GRM1: variants seen among roughly 807,000 people sequenced by gnomAD.
The protein encoded by GRM1 is metabotropic glutamate receptor 1.
Under a neutral mutation model 90.9 loss-of-function variants are expected in GRM1, and 33 were observed. The observed-to-expected ratio is 0.36, with a 90% confidence interval of 0.28 to 0.49. The LOEUF is 0.49. Ranked by LOEUF, GRM1 falls within the 20% of genes least tolerant of loss-of-function variation. The pLI is 0.99. For missense variants in GRM1, 1,190 were observed against 1,534.3 expected (o/e 0.78, Z 3.75); for synonymous variants, 700 against 613.2 (o/e 1.14, Z -2.09).
chr6:146,134,904 C>A (rs959750506), intron 1 of GRM1, among the ~76,000 whole-genome samples: 5 of 152,100 alleles, frequency 3.3e-5, no homozygotes, highest in African/African-American at 1.2e-4. Flanking sequence ...GGACTCCAGT[C>A]TGGATGACAG....
chr6:146,424,334 C>G (rs1411013076), intron 7 of GRM1, among the ~76,000 whole-genome samples: 1 of 152,154 alleles, frequency 6.6e-6, no homozygotes, highest in Non-Finnish European at 1.5e-5. Context: ...GGGACTTATG[C>G]CCAACCCCTT....
chr6:146,109,206 T>C (rs1018603031), intron 1 of GRM1, among the ~76,000 whole-genome samples: 16 of 152,174 alleles, frequency 1.1e-4, no homozygotes, highest in African/African-American at 3.6e-4. Context: ...GAGGTTTTTA[T>C]GGCAGCCCCC....
chr6:146,129,149 T>G (rs1776300238), intron 1 of GRM1, among the ~76,000 whole-genome samples: 1 of 152,208 alleles, frequency 6.6e-6, no homozygotes, highest in African/African-American at 2.4e-5. Flanking sequence ...TGGTTAAATA[T>G]TTGAACATTT....
At chr6:146,351,257 C>A (rs1785399575) in intron 3 of GRM1, among the ~76,000 whole-genome samples, 1 of 152,200 alleles carries the variant, frequency 6.6e-6, no homozygotes, top group South Asian at 2.1e-4. Context: ...CCTTCTAGTA[C>A]TTCAAACACA....
chr6:146,144,229 T>G (rs1777004295), intron 1 of GRM1, among the ~76,000 whole-genome samples: 1 of 152,176 alleles, frequency 6.6e-6, no homozygotes, highest in South Asian at 2.1e-4. Flanking sequence ...CACTTTGGTG[T>G]CTCTTCTTAG....
At chr6:146,103,046 T>C (rs1288039065) in intron 1 of GRM1, among the ~76,000 whole-genome samples, 1 of 152,210 alleles carries the variant, frequency 6.6e-6, no homozygotes, top group Non-Finnish European at 1.5e-5. Flanking sequence ...GTTTCTGTGA[T>C]GGTTTTTAGG....
intron 7 of GRM1, among the ~76,000 whole-genome samples, chr6:146,433,523 A>AAAGT (rs1189920188): frequency 6.6e-5 from 7 of 106,826 alleles, no homozygotes; most frequent in Non-Finnish European, 1.1e-4. Flanking sequence ...GAGTTTTTCA[A>AAAGT]AAGTGTGTGT....
chr6:146,040,988 A>G (rs928732425), intron 1 of GRM1, among the ~76,000 whole-genome samples: 8 of 151,774 alleles, frequency 5.3e-5, no homozygotes, highest in African/African-American at 1.9e-4. Flanking sequence ...CCTGTCTTCA[A>G]GCTCATAAAT....
chr6:146,080,005 C>A (rs1269857397), intron 1 of GRM1, among the ~76,000 whole-genome samples: 1 of 152,134 alleles, frequency 6.6e-6, no homozygotes, highest in Non-Finnish European at 1.5e-5. Flanking sequence ...ATAGGTTTGC[C>A]CCAGTGACAA....
At chr6:146,088,342 G>A (rs1776613296) in intron 1 of GRM1, among the ~76,000 whole-genome samples, 1 of 151,992 alleles carries the variant, frequency 6.6e-6, no homozygotes, top group African/African-American at 2.4e-5. Context: ...CTAAAAATAT[G>A]TTCTTTGCCA....
intron 3 of GRM1, among the ~76,000 whole-genome samples, chr6:146,349,710 T>C (rs1785325805): frequency 6.6e-6 from 1 of 152,176 alleles, no homozygotes; most frequent in Non-Finnish European, 1.5e-5. Context: ...GTCTACATAA[T>C]ACCCCATTGA....
chr6:146,309,466 C>T (rs1438381226), intron 3 of GRM1, among the ~76,000 whole-genome samples: 6 of 151,742 alleles, frequency 4.0e-5, no homozygotes, highest in Admixed American at 2.0e-4. Flanking sequence ...CCTACTAACG[C>T]TGCTTGAAAC....
intron 1 of GRM1, among the ~76,000 whole-genome samples, chr6:146,147,534 T>C (rs938770806): frequency 2.0e-5 from 3 of 152,248 alleles, no homozygotes; most frequent in Non-Finnish European, 4.4e-5. Context: ...AGTCATACTT[T>C]AATTTCTTTT....
At chr6:146,083,904 T>C (rs1776451196) in intron 1 of GRM1, among the ~76,000 whole-genome samples, 1 of 152,242 alleles carries the variant, frequency 6.6e-6, no homozygotes, top group African/African-American at 2.4e-5. Context: ...ACTGCCTCAA[T>C]TTCAGAACTT....
intron 1 of GRM1, among the ~76,000 whole-genome samples, chr6:146,121,352 C>A (rs1583031608): frequency 6.6e-6 from 1 of 151,998 alleles, no homozygotes; most frequent in East Asian, 1.9e-4. Flanking sequence ...ATCTTGCTAG[C>A]AGTCTATCAA....
chr6:146,041,692 A>T (rs1791112880), intron 1 of GRM1, among the ~76,000 whole-genome samples: 1 of 151,094 alleles, frequency 6.6e-6, no homozygotes, highest in African/African-American at 2.4e-5. Flanking sequence ...ACAATTTTTC[A>T]CTTCTCTGTG....
chr6:146,152,331 T>A (rs1347884497), intron 1 of GRM1, among the ~76,000 whole-genome samples: 1 of 151,886 alleles, frequency 6.6e-6, no homozygotes, highest in African/African-American at 2.4e-5. Context: ...CTTTCCTTCT[T>A]ACTTTTCTGA....
intron 2 of GRM1, among the ~76,000 whole-genome samples, chr6:146,185,400 T>C (rs891673467): frequency 1.3e-5 from 2 of 152,214 alleles, no homozygotes; most frequent in South Asian, 4.1e-4. Context: ...TGAGAAATAT[T>C]CCTTGCACAG....
chr6:146,387,427 G>T (rs924345818), intron 6 of GRM1, among the ~76,000 whole-genome samples: 1 of 151,852 alleles, frequency 6.6e-6, no homozygotes, highest in Non-Finnish European at 1.5e-5. Flanking sequence ...TATCAGGGAA[G>T]AAACATGGAA....
Sources: allele counts gnomAD v4.1 joint callset (sites outside exome capture counted in the v4.1 genomes callset), GRCh38; gene constraint gnomAD v4.1.1; transcripts MANE v1.5; gene names NCBI Gene and HGNC (gene_info 2026-07-23, HGNC 2026-07-21).